The following BMP7 variants were observed in gnomAD, a reference collection of about 807,000 sequenced individuals.
BMP7 encodes bone morphogenetic protein 7.
Under a neutral mutation model 41.2 loss-of-function variants are expected in BMP7, and 12 were observed. That is an observed-to-expected ratio of 0.29 (90% CI 0.19 to 0.47). The LOEUF (loss-of-function observed/expected upper bound fraction) is 0.47, where lower values mean the gene tolerates loss of function less well. BMP7 is among the 20% of genes least tolerant of loss of function. The pLI, the probability that BMP7 is intolerant of heterozygous loss-of-function variation, is 0.99. For synonymous variants in BMP7, 248 were observed against 250.0 expected (o/e 0.99, Z 0.07); for missense variants, 467 against 606.0 (o/e 0.77, Z 2.41).
intron 1 of BMP7, among the ~76,000 whole-genome samples, chr20:57,251,036 C>T (rs1336403137): frequency 6.6e-6 from 1 of 152,232 alleles, no homozygotes; most frequent in Non-Finnish European, 1.5e-5. Flanking sequence ...AGCAGCACAT[C>T]CCACCACGGT....
At chr20:57,175,567 G>A (rs1030013632) in intron 4 of BMP7, among the ~76,000 whole-genome samples, 1 of 152,196 alleles carries the variant, frequency 6.6e-6, no homozygotes, top group Non-Finnish European at 1.5e-5. Flanking sequence ...AAACACTCCC[G>A]AGGTTTCTTT....
In BMP7 at chr20:57,174,537, T is replaced by A. The variant is rs1983878568; in HGVS notation, c.1035+394A>T. On this transcript the variant is annotated intron_variant, in intron 5 of 6. Transcript: ENST00000395863. This position sits in a 1 kb window ranked among gnomAD's most constrained non-coding sequence, Gnocchi z 4.3. The stretch of plus-strand genomic sequence containing the variant: ...AAGTGCCTGAACCAAGCTGGGCAGA[T>A]CCGTCCCTCCCGTGGGAATGGGAAT... 6.6e-6 allele frequency among the ~76,000 whole-genome samples: 1 copy of A among 152,096 alleles called. No individual in the cohort carries two copies. Among genetic ancestry groups the A allele is most frequent in the African/African-American group, 2.4e-5 (1 of 41,406 alleles).
chr20:57,266,059 A>G lies in BMP7; in HGVS notation c.64T>C (p.Phe22Leu). Reference protein sequence around the residue: ...HSFVALWAPLFLLRSALADFS... With the variant: ...HSFVALWAPLLLLRSALADFS... ...TCGGCCAGGGCGGAGCGCAGCAGGA[A>G]CAGGGGTGCCCAGAGCGCCACGAAG... The change falls in exon 1 of 7, where the codon TTC becomes CTC. Residue 22 changes from phenylalanine to leucine, a missense_variant. Transcript: ENST00000395863. The G allele has an allele frequency of 6.5e-7, 1 of 1,541,536 alleles. No individual in the cohort carries two copies. Among genetic ancestry groups the G allele is most frequent in the Non-Finnish European group, 8.7e-7 (1 of 1,146,790 alleles).
intron 2 of BMP7, among the ~76,000 whole-genome samples, chr20:57,209,306 G>A (rs190078956): frequency 0.02 from 2,728 of 138,776 alleles, 99 homozygotes; most frequent in African/African-American, 0.068. Flanking sequence ...TTAACCAGGC[G>A]TGGTGGTACA....
chr20:57,173,803 T>A (rs774047853), intron 5 of BMP7, among the ~76,000 whole-genome samples: 58 of 152,064 alleles, frequency 3.8e-4, no homozygotes, highest in Non-Finnish European at 1.5e-4. Context: ...CACTGGCAGT[T>A]CACCTTAAAC....
rs1984932346 is a variant in BMP7 at position 57,213,081 on chromosome 20, C to G, written c.612-10458G>C. On this transcript the variant is annotated intron_variant, in intron 2 of 6. Coordinates refer to ENST00000395863, the MANE Select transcript of BMP7 (RefSeq NM_001719.3). This position sits in a 1 kb window ranked among gnomAD's most constrained non-coding sequence, Gnocchi z 4.4. ...AGGTGGAAAAATACACAAAGAGGCA[C>G]AATATCCTCCTGCCCCAGACAGAGC... Among the ~76,000 whole-genome samples, 1 of 152,238 alleles carries G rather than the reference C, an allele frequency of 6.6e-6. No individual in the cohort carries two copies. Among genetic ancestry groups the G allele is most frequent in the African/African-American group, 2.4e-5 (1 of 41,462 alleles).
At chr20:57,241,830 A>G (rs2066070905) in intron 1 of BMP7, among the ~76,000 whole-genome samples, 2 of 152,222 alleles carry the variant, frequency 1.3e-5, no homozygotes, top group African/African-American at 2.4e-5. Context: ...TGCTTGAACA[A>G]TGTTATCATT....
intron 1 of BMP7, among the ~76,000 whole-genome samples, chr20:57,232,284 A>G (rs529567875): frequency 7.9e-5 from 12 of 152,316 alleles, no homozygotes; most frequent in Non-Finnish European, 1.5e-4. Flanking sequence ...GACAGGAGAA[A>G]GCCACAGGTG....
chr20:57,173,125 G>C (rs763590054), intron 6 of BMP7, 75 bp downstream of exon 6: 1 of 1,452,138 alleles, frequency 6.9e-7, no homozygotes, highest in Non-Finnish European at 9.6e-7. Flanking sequence ...GCCCCAGCTT[G>C]GAGGCAGCAG....
At chr20:57,191,464 G>C (rs573586271) in intron 3 of BMP7, among the ~76,000 whole-genome samples, 1 of 152,094 alleles carries the variant, frequency 6.6e-6, no homozygotes, top group African/African-American at 2.4e-5. Flanking sequence ...TTGGGAGGCC[G>C]AGGCAGGCAG....
Position 57,183,920 on chromosome 20 carries a change from C to G in BMP7, c.761-1G>C. ...GCCAACTTGGGGTTGATGCTCTGCC[C>G]TGGACAGGAAGCAGCCAAGTGCACA... On this transcript the variant is annotated splice_acceptor_variant, in intron 3 of 6. Coordinates refer to ENST00000395863, the MANE Select transcript of BMP7 (RefSeq NM_001719.3). LOFTEE classifies it high-confidence loss of function. 1 of 1,613,410 alleles carries G rather than the reference C, an allele frequency of 6.2e-7. No homozygotes were observed. Among genetic ancestry groups the G allele is most frequent in the Non-Finnish European group, 8.5e-7 (1 of 1,180,010 alleles).
intron 2 of BMP7, chr20:57,225,889 T>C (rs780509056): frequency 2.3e-5 from 11 of 469,518 alleles, no homozygotes; most frequent in Non-Finnish European, 4.8e-5. Flanking sequence ...AACGTGAGCT[T>C]CCAGAGGGCA....
intron 1 of BMP7, among the ~76,000 whole-genome samples, chr20:57,257,497 C>T (rs1390413719): frequency 6.6e-6 from 1 of 151,916 alleles, no homozygotes; most frequent in Non-Finnish European, 1.5e-5. Context: ...TTTTGTATTG[C>T]TTTTAGCTTT....
chr20:57,190,148 G>C (rs750704349), intron 3 of BMP7, among the ~76,000 whole-genome samples: 1 of 152,092 alleles, frequency 6.6e-6, no homozygotes, highest in Non-Finnish European at 1.5e-5. Context: ...GGAACCGGAG[G>C]GGGTGAAGCT....
chr20:57,266,425 C>T lies in BMP7; in HGVS notation c.-303G>A. ...GGGCGCGGGTGGGAGGAGCAGCCAG[C>T]AAGCCTAGGAGTCCAGAGAGCCAAC... On this transcript the variant is annotated 5_prime_UTR_variant, in exon 1 of 7. Coordinates refer to ENST00000395863, the MANE Select transcript of BMP7 (RefSeq NM_001719.3). 1 of 203,472 alleles carries T rather than the reference C, an allele frequency of 4.9e-6. No individual in the cohort carries two copies. The highest frequency in any genetic ancestry group is 9.7e-6 in the Non-Finnish European group (1 of 102,938). The allele number at this position is 203,472 out of a possible 1,614,324, so 12.6% of individuals were successfully genotyped here. A position where few individuals can be genotyped will look rare whatever the true frequency, so the allele number is the denominator to read the frequency against.
intron 2 of BMP7, among the ~76,000 whole-genome samples, chr20:57,226,126 C>A (rs1347859927): frequency 6.6e-6 from 1 of 152,216 alleles, no homozygotes; most frequent in Non-Finnish European, 1.5e-5. Context: ...GGCCTGCTGC[C>A]CAACCCTGCA....
At chr20:57,255,799 CAAAAAAAAAA>C (rs3067106) in intron 1 of BMP7, among the ~76,000 whole-genome samples, 6 of 48,616 alleles carry the variant, frequency 1.2e-4, no homozygotes, top group South Asian at 1.5e-3. Context: ...GACTCCATCT[CAAAAAAAAAA>C]AAAAAAAAAA....
intron 1 of BMP7, among the ~76,000 whole-genome samples, chr20:57,242,555 A>G (rs2123131161): frequency 6.6e-6 from 1 of 152,306 alleles, no homozygotes; most frequent in East Asian, 1.9e-4. Flanking sequence ...TTTGACCTGT[A>G]TGGGGTTCAC....
At chr20:57,191,728 C>A in intron 3 of BMP7, among the ~76,000 whole-genome samples, 1 of 96,296 alleles carries the variant, frequency 1.0e-5, no homozygotes, top group East Asian at 2.1e-4. Flanking sequence ...GAGACTCCAC[C>A]TAAAACATAT....
Sources: allele counts gnomAD v4.1 joint callset (sites outside exome capture counted in the v4.1 genomes callset), GRCh38; gene constraint gnomAD v4.1.1; non-coding constraint Gnocchi (gnomAD v3.1); transcripts MANE v1.5; gene names NCBI Gene and HGNC (gene_info 2026-07-23, HGNC 2026-07-21).